CNIH3: variants seen among roughly 807,000 people sequenced by gnomAD.
The protein encoded by CNIH3 is cornichon family AMPA receptor auxiliary protein 3.
In CNIH3, 14 loss-of-function variants were observed where a neutral mutation model predicts 24.1. The ratio of observed to expected loss-of-function variants is 0.58; its 90% CI spans 0.38 to 0.91. CNIH3 has a LOEUF of 0.91. CNIH3 is among the 40% of genes least tolerant of loss of function. CNIH3 has a pLI of 0.00. For synonymous variants in CNIH3, 68 were observed against 73.8 expected (o/e 0.92, Z 0.40); for missense variants, 178 against 196.8 (o/e 0.90, Z 0.57).
At chr1:224,513,359 T>TG (rs1432797039), upstream of CNIH3, among the ~76,000 whole-genome samples, 6 of 2,266 alleles carry the variant, frequency 2.6e-3, no homozygotes, top group South Asian at 0.018. Flanking sequence ...GGGGTGGGGG[T>TG]GGGAGGGGGG....
At chr1:224,605,616 C>T (rs529828277) in intron 3 of CNIH3, among the ~76,000 whole-genome samples, 1 of 152,200 alleles carries the variant, frequency 6.6e-6, no homozygotes, top group South Asian at 2.1e-4. Flanking sequence ...AGCACTACTA[C>T]AGAAACTAAG....
intron 1 of CNIH3, among the ~76,000 whole-genome samples, chr1:224,445,047 C>T (rs1005784811): frequency 7.9e-5 from 12 of 151,708 alleles, no homozygotes; most frequent in African/African-American, 2.9e-4. Context: ...TGAACGTACC[C>T]GTGAAACCAT....
downstream of CNIH3, among the ~76,000 whole-genome samples, chr1:224,540,934 T>G (rs1679489129): frequency 6.6e-6 from 1 of 152,206 alleles, no homozygotes; most frequent in Admixed American, 6.5e-5. Context: ...AGCCTGCAAG[T>G]CTGTTTGCTT....
At chr1:224,722,032 C>T (rs1437342671) in intron 3 of CNIH3, among the ~76,000 whole-genome samples, 1 of 151,992 alleles carries the variant, frequency 6.6e-6, no homozygotes, top group Non-Finnish European at 1.5e-5. Flanking sequence ...GCCGGTTGCC[C>T]AGACTTGAGC....
chr1:224,596,311 C>A (rs1471925184), intron 3 of CNIH3, among the ~76,000 whole-genome samples: 2 of 152,228 alleles, frequency 1.3e-5, no homozygotes, highest in Admixed American at 6.5e-5. Flanking sequence ...CTAAGTGGAA[C>A]AACAAAGCCT....
chr1:224,688,882 G>A (rs906615953), intron 3 of CNIH3, among the ~76,000 whole-genome samples: 34 of 147,756 alleles, frequency 2.3e-4, no homozygotes, highest in Non-Finnish European at 3.8e-4. Flanking sequence ...CCGAGATCGC[G>A]CCATTGCACT....
chr1:224,557,186 A>G (rs1680172388), intron 3 of CNIH3, among the ~76,000 whole-genome samples: 1 of 152,076 alleles, frequency 6.6e-6, no homozygotes, highest in Non-Finnish European at 1.5e-5. Flanking sequence ...GGCCACAGGC[A>G]TGCATCACCA....
intron 1 of CNIH3, among the ~76,000 whole-genome samples, chr1:224,519,118 A>T (rs1678516073): frequency 6.6e-6 from 1 of 152,232 alleles, no homozygotes; most frequent in Non-Finnish European, 1.5e-5. Context: ...GGCAGTTACT[A>T]CTATGGTTAT....
chr1:224,647,635 T>C (rs1421093836), intron 1 of CNIH3, among the ~76,000 whole-genome samples: 1 of 152,210 alleles, frequency 6.6e-6, no homozygotes, highest in East Asian at 1.9e-4. Flanking sequence ...AAGTGAAGCC[T>C]GGAAACTTGG....
intron 1 of CNIH3, among the ~76,000 whole-genome samples, chr1:224,483,363 A>G (rs1676889788): frequency 1.3e-5 from 2 of 152,112 alleles, no homozygotes; most frequent in Non-Finnish European, 1.5e-5. Flanking sequence ...ACAAAAACAT[A>G]AAACAGGTAG....
chr1:224,657,693 C>T (rs910111022), intron 1 of CNIH3, among the ~76,000 whole-genome samples: 2 of 152,162 alleles, frequency 1.3e-5, no homozygotes, highest in African/African-American at 4.8e-5. Flanking sequence ...GACGTTTCCT[C>T]TCTAATCCAG....
At chr1:224,681,133 C>G in intron 2 of CNIH3, 107 bp downstream of exon 2, 1 of 937,006 alleles carries the variant, frequency 1.1e-6, no homozygotes, top group South Asian at 1.4e-5. Context: ...AGAACATGCT[C>G]GCCCTCACTG....
intron 1 of CNIH3, among the ~76,000 whole-genome samples, chr1:224,624,299 G>T (rs1458112911): frequency 6.6e-6 from 1 of 151,934 alleles, no homozygotes; most frequent in African/African-American, 2.4e-5. Context: ...GTTTTTCTGG[G>T]GCCCTGTTTC....
chr1:224,678,250 A>C (rs1015269095), intron 1 of CNIH3, among the ~76,000 whole-genome samples: 28 of 152,218 alleles, frequency 1.8e-4, no homozygotes, highest in Non-Finnish European at 4.1e-4. Context: ...AGGTGGACTG[A>C]GTTTAACTGA....
chr1:224,546,851 C>T lies in CNIH3; in HGVS notation n.362C>T, dbSNP rs913253741. 3.4e-5 allele frequency: 33 copies of T among 980,534 alleles called. 1 individual carries two copies. The African/African-American group carries it at 5.6e-4, about 17-fold the overall frequency. 60.7% of individuals were successfully genotyped at this position (980,534 alleles called of 1,614,324 possible). ...CAGTGATCCTCATGGAACACCTTTCCTGAAGAGATGATGATGGGGCCATTT... is the reference window on the plus strand; with the variant it reads ...CAGTGATCCTCATGGAACACCTTTCTTGAAGAGATGATGATGGGGCCATTT... On this transcript the variant is annotated non_coding_transcript_exon_variant, in exon 3 of 6. Transcript: ENST00000471578.
chr1:224,583,144 T>C (rs1681348070), intron 4 of CNIH3: 1 of 152,202 alleles, frequency 6.6e-6, no homozygotes, highest in Non-Finnish European at 1.5e-5. Context: ...TCTTTCATAG[T>C]ATGTACTTAC....
At chr1:224,529,161 CTTGT>C (rs1425944574) in intron 2 of CNIH3, 2 of 152,192 alleles carry the variant, frequency 1.3e-5, no homozygotes, top group Admixed American at 6.5e-5. Context: ...TGATTTCCAG[CTTGT>C]TTAAGTTTGT....
At chr1:224,551,244 C>T (rs1457753495) in intron 3 of CNIH3, among the ~76,000 whole-genome samples, 1 of 152,126 alleles carries the variant, frequency 6.6e-6, no homozygotes, top group Non-Finnish European at 1.5e-5. Flanking sequence ...GATTATAAAT[C>T]ATGCTGCTAT....
At chr1:224,666,191 T>C (rs1685590741) in intron 1 of CNIH3, among the ~76,000 whole-genome samples, 1 of 152,154 alleles carries the variant, frequency 6.6e-6, no homozygotes, top group African/African-American at 2.4e-5. Context: ...CAAACTCAGG[T>C]TCCTGACTTC....
Sources: allele counts gnomAD v4.1 joint callset (sites outside exome capture counted in the v4.1 genomes callset), GRCh38; gene constraint gnomAD v4.1.1; transcripts MANE v1.5; gene names NCBI Gene and HGNC (gene_info 2026-07-23, HGNC 2026-07-21).